SLC29A3: variants seen among roughly 807,000 people sequenced by gnomAD.
The protein encoded by SLC29A3 is solute carrier family 29 member 3.
Under a neutral mutation model 25.4 loss-of-function variants are expected in SLC29A3, and 18 were observed. That is an observed-to-expected ratio of 0.71 (90% CI 0.49 to 1.05). The LOEUF is 1.05. Ranked by LOEUF, SLC29A3 falls within the 50% of genes least tolerant of loss-of-function variation. The pLI is 0.00. For missense variants in SLC29A3, 586 were observed against 609.0 expected (o/e 0.96, Z 0.40); for synonymous variants, 258 against 267.1 (o/e 0.97, Z 0.33).
intron 2 of SLC29A3, among the ~76,000 whole-genome samples, chr10:71,337,579 G>A (rs908520253): frequency 1.1e-4 from 17 of 152,130 alleles, no homozygotes; most frequent in African/African-American, 3.9e-4. Flanking sequence ...GGTGGGGGCT[G>A]CACAAAGCTG....
chr10:71,372,075 C>G (rs1847215664), intron 3 of SLC29A3, among the ~76,000 whole-genome samples: 1 of 152,164 alleles, frequency 6.6e-6, no homozygotes, highest in Non-Finnish European at 1.5e-5. Context: ...GTAGTGAGAA[C>G]CAGTCATCGG....
At chr10:71,378,806 A>G (rs1477026886) in intron 4 of SLC29A3, among the ~76,000 whole-genome samples, 2 of 152,184 alleles carry the variant, frequency 1.3e-5, no homozygotes, top group African/African-American at 4.8e-5. Flanking sequence ...AACCTGCTTG[A>G]TAACACATCT....
At position 71,344,210 on chromosome 10, in the gene SLC29A3, A is replaced by ACTACTTTGAGAGCTACCT. The variant is rs1846497179; in HGVS notation, c.303_320dup (p.Tyr102_Leu107dup). The stretch of plus-strand genomic sequence containing the variant: ...ACCTCCTCACTTGTGTGCTTGCAGA[A>ACTACTTTGAGAGCTACCT]CTACTTTGAGAGCTACCTTGCCGTT... On this transcript the variant is annotated inframe_insertion and splice_region_variant, in exon 3 of 6. Transcript: ENST00000373189. 2 of 1,613,840 alleles carry ACTACTTTGAGAGCTACCT rather than the reference A, an allele frequency of 1.2e-6. No homozygotes were observed. Among genetic ancestry groups the ACTACTTTGAGAGCTACCT allele is most frequent in the Middle Eastern group, 1.6e-4 (1 of 6,062 alleles).
intron 2 of SLC29A3, among the ~76,000 whole-genome samples, chr10:71,324,735 T>A (rs1845926674): frequency 6.6e-6 from 1 of 152,054 alleles, no homozygotes; most frequent in Non-Finnish European, 1.5e-5. Flanking sequence ...CCTGGACCAA[T>A]GCCCTGAGTA....
chr10:71,334,842 G>A (rs113419698), intron 2 of SLC29A3, among the ~76,000 whole-genome samples: 11 of 152,044 alleles, frequency 7.2e-5, no homozygotes, highest in African/African-American at 2.4e-4. Flanking sequence ...CCAACCGTAC[G>A]CTGTTCCCTC....
intron 5 of SLC29A3, among the ~76,000 whole-genome samples, chr10:71,357,346 C>A (rs573966297): frequency 6.6e-6 from 1 of 151,842 alleles, no homozygotes; most frequent in African/African-American, 2.4e-5. Context: ...ACCTGGGAGA[C>A]GGAGCTTGCA....
intron 2 of SLC29A3, among the ~76,000 whole-genome samples, chr10:71,338,801 G>A (rs1327771521): frequency 6.6e-6 from 1 of 152,138 alleles, no homozygotes; most frequent in African/African-American, 2.4e-5. Flanking sequence ...TGCTGGCTTG[G>A]GCAGGTCACC....
intron 2 of SLC29A3, among the ~76,000 whole-genome samples, chr10:71,325,179 TCCTTGGCCTCG>T (rs879432148): frequency 6.6e-6 from 1 of 152,114 alleles, no homozygotes; most frequent in Non-Finnish European, 1.5e-5. Context: ...CAGAAGGAAA[TCCTTGGCCTCG>T]CCCTGAGGAG....
At chr10:71,358,356 G>A (rs376069219) in intron 5 of SLC29A3, among the ~76,000 whole-genome samples, 5 of 152,148 alleles carry the variant, frequency 3.3e-5, no homozygotes, top group South Asian at 2.1e-4. Flanking sequence ...ATTCTTCACC[G>A]CTTCAGCAGT....
chr10:71,326,806 T>A lies in SLC29A3; in HGVS notation c.300+3752T>A, dbSNP rs77384654. Among the ~76,000 whole-genome samples, 3 of 152,228 alleles carry A rather than the reference T, an allele frequency of 2.0e-5. No individual in the cohort carries two copies. The East Asian group carries it at 5.8e-4, about 29-fold the overall frequency. On this transcript the variant is annotated intron_variant, in intron 2 of 5. Coordinates refer to ENST00000373189, the MANE Select transcript of SLC29A3 (RefSeq NM_018344.6). ...CAACTGCTGGCAGGTGCAGATGTAGTACCTTCAGCTGCCCGGAGCTCCTGG... is the reference window on the plus strand; with the variant it reads ...CAACTGCTGGCAGGTGCAGATGTAGAACCTTCAGCTGCCCGGAGCTCCTGG...
At chr10:71,359,186 T>C (rs964269052) in intron 5 of SLC29A3, among the ~76,000 whole-genome samples, 1 of 152,116 alleles carries the variant, frequency 6.6e-6, no homozygotes, top group Non-Finnish European at 1.5e-5. Context: ...TGGGATTGAT[T>C]ACAGGCACGA....
chr10:71,343,192 C>A (rs982833020), intron 2 of SLC29A3, among the ~76,000 whole-genome samples: 13 of 152,162 alleles, frequency 8.5e-5, no homozygotes, highest in African/African-American at 3.1e-4. Context: ...GGGTGGTCTC[C>A]TGGGTTCAAG....
At chr10:71,331,836 G>A (rs944834935) in intron 2 of SLC29A3, among the ~76,000 whole-genome samples, 8 of 152,216 alleles carry the variant, frequency 5.3e-5, no homozygotes, top group African/African-American at 1.9e-4. Flanking sequence ...TAATAAGAAG[G>A]GGGGTGGCAG....
chr10:71,372,574 G>A (rs1182941485), intron 3 of SLC29A3, among the ~76,000 whole-genome samples: 1 of 152,160 alleles, frequency 6.6e-6, no homozygotes, highest in Non-Finnish European at 1.5e-5. Flanking sequence ...AACCCCACGA[G>A]GAGAACCACT....
At chr10:71,377,581 C>A (rs898780460) in intron 4 of SLC29A3, among the ~76,000 whole-genome samples, 4 of 152,172 alleles carry the variant, frequency 2.6e-5, no homozygotes, top group Non-Finnish European at 5.9e-5. Context: ...AGGTGGACGC[C>A]CAGTAGAGGG....
At chr10:71,320,650 A>G (rs1589218794) in intron 1 of SLC29A3, among the ~76,000 whole-genome samples, 1 of 152,218 alleles carries the variant, frequency 6.6e-6, no homozygotes. Flanking sequence ...TCTGCTAACC[A>G]GGGGAGTTTA....
intron 3 of SLC29A3, among the ~76,000 whole-genome samples, chr10:71,375,040 G>C (rs1025433084): frequency 6.6e-6 from 1 of 152,220 alleles, no homozygotes; most frequent in Non-Finnish European, 1.5e-5. Context: ...ATAATGCAGA[G>C]GAGGAATAGC....
chr10:71,340,710 G>A (rs902256177), intron 2 of SLC29A3, among the ~76,000 whole-genome samples: 13 of 152,300 alleles, frequency 8.5e-5, no homozygotes, highest in South Asian at 8.3e-4. Flanking sequence ...TCACATTTCC[G>A]TAAGTAAAAT....
chr10:71,369,132 G>A (rs1360187043), intron 3 of SLC29A3, among the ~76,000 whole-genome samples: 1 of 152,244 alleles, frequency 6.6e-6, no homozygotes, highest in Non-Finnish European at 1.5e-5. Context: ...ACAGTGAGAA[G>A]ATGGCCCTCT....
Sources: allele counts gnomAD v4.1 joint callset (sites outside exome capture counted in the v4.1 genomes callset), GRCh38; gene constraint gnomAD v4.1.1; transcripts MANE v1.5; gene names NCBI Gene and HGNC (gene_info 2026-07-23, HGNC 2026-07-21).